TEK: variants seen among roughly 807,000 people sequenced by gnomAD.
The protein encoded by TEK is TEK receptor tyrosine kinase, also known as angiopoietin-1 receptor.
TEK carries 43 observed loss-of-function variants against 131.8 expected under a neutral mutation model. The observed-to-expected ratio is 0.33, with a 90% CI of 0.26 to 0.42. The LOEUF (loss-of-function observed/expected upper bound fraction) is 0.42, where lower values mean the gene tolerates loss of function less well. Among genes scored for constraint, TEK ranks in the 10% least tolerant of loss-of-function variants. The probability of loss-of-function intolerance (pLI) is 1.00; values close to 1 mark genes in which losing one functional copy is unlikely to be tolerated. For synonymous variants in TEK, 580 were observed against 491.6 expected (o/e 1.18, Z -2.38); for missense variants, 1,162 against 1,384.4 (o/e 0.84, Z 2.55).
intron 12 of TEK, chr9:27,198,537 T>C (rs1825107474): frequency 6.6e-6 from 1 of 152,272 alleles, no homozygotes; most frequent in South Asian, 2.1e-4. Context: ...ATTCTTCATA[T>C]ATAATGTTTA....
At chr9:27,197,187 C>G (rs960293626) in intron 11 of TEK, 128 bp from the exon 12 acceptor site, 6 of 973,848 alleles carry the variant, frequency 6.2e-6, no homozygotes, top group African/African-American at 1.6e-5. Flanking sequence ...ACTCATCAAC[C>G]AATCACCTCC....
chr9:27,228,364 G>A (rs1484065215), intron 22 of TEK, 59 bp downstream of exon 22: 2 of 1,366,164 alleles, frequency 1.5e-6, no homozygotes, highest in Non-Finnish European at 2.1e-6. Context: ...GCCCAGGGTG[G>A]TTCATAAAAA....
chr9:27,166,008 G>T (rs1019268449), intron 2 of TEK, among the ~76,000 whole-genome samples: 3 of 152,232 alleles, frequency 2.0e-5, no homozygotes, highest in Admixed American at 2.0e-4. Flanking sequence ...CGCGCACAGC[G>T]CTTGATTAGT....
intron 9 of TEK, among the ~76,000 whole-genome samples, chr9:27,187,138 A>G (rs1200023990): frequency 6.6e-6 from 1 of 152,234 alleles, no homozygotes; most frequent in Non-Finnish European, 1.5e-5. Context: ...GTGAATACAC[A>G]GAAGAGTCAC....
intron 12 of TEK, among the ~76,000 whole-genome samples, chr9:27,198,964 T>G (rs898117180): frequency 2.0e-5 from 3 of 151,830 alleles, no homozygotes; most frequent in Non-Finnish European, 4.4e-5. Flanking sequence ...CACCTGACTT[T>G]TTTTAAAAAT....
chr9:27,220,959 AAGCCAGGG>A (rs1057150400), intron 21 of TEK, among the ~76,000 whole-genome samples: 13 of 152,340 alleles, frequency 8.5e-5, no homozygotes, highest in Admixed American at 2.6e-4. Flanking sequence ...AAGGGGGCTG[AAGCCAGGG>A]AGCCAAGTGG....
intron 2 of TEK, among the ~76,000 whole-genome samples, chr9:27,158,372 G>A (rs565932165): frequency 2.0e-5 from 3 of 151,958 alleles, no homozygotes; most frequent in South Asian, 4.1e-4. Flanking sequence ...TTTGTGAGAT[G>A]AAATATTTCA....
At position 27,169,460 on chromosome 9, in the gene TEK, C is replaced by A; in HGVS notation, c.476-17C>A. The A allele has an allele frequency of 6.2e-7, 1 of 1,613,682 alleles. No homozygotes were observed. The highest frequency in any genetic ancestry group is 1.1e-5 in the South Asian group (1 of 91,064). ...TTTCAGTGTGACCTACGGTTCTTCA[C>A]TCTTCCCTCTTACTAGGTTCCTTCA... On this transcript the variant is annotated splice_polypyrimidine_tract_variant and intron_variant, in intron 3 of 22. Transcript: ENST00000380036.
rs544329832 is a variant in TEK, at chr9:27,187,854, A to G, written c.1327+2225A>G. On this transcript the variant is annotated intron_variant, in intron 9 of 22. Coordinates refer to ENST00000380036, the MANE Select transcript of TEK (RefSeq NM_000459.5). ...TTGTGTCCTAATTTAATCCTCTTAC[A>G]AGGACACCAGTCATATTGGATTATG... 2.6e-5 allele frequency among the ~76,000 whole-genome samples: 4 copies of G among 152,206 alleles called. No individual in the cohort carries two copies. The South Asian group carries it at 8.3e-4, about 32-fold the overall frequency.
At chr9:27,125,270 T>C (rs149768272) in intron 1 of TEK, among the ~76,000 whole-genome samples, 66 of 152,326 alleles carry the variant, frequency 4.3e-4, no homozygotes, top group African/African-American at 1.4e-3. Context: ...TGAGTAACTC[T>C]AGAGTATGGA....
chr9:27,126,498 T>G (rs1043078064), intron 1 of TEK, among the ~76,000 whole-genome samples: 6 of 152,218 alleles, frequency 3.9e-5, no homozygotes, highest in Non-Finnish European at 8.8e-5. Flanking sequence ...GGGAAAGTGC[T>G]TTTGAGGTTA....
chr9:27,173,206 T>G lies in TEK; in HGVS notation c.761-16T>G. 6.2e-7 allele frequency: 1 copy of G among 1,613,952 alleles called. No individual in the cohort carries two copies. The highest frequency in any genetic ancestry group is 8.5e-7 in the Non-Finnish European group (1 of 1,179,898). ...GCATATTTGACTCTGAATCATCTTT[T>G]CTTTTCCTCCCAAAGCTTGTGAACT... On this transcript the variant is annotated splice_polypyrimidine_tract_variant and intron_variant, in intron 5 of 22. Transcript: ENST00000380036.
chr9:27,168,421 A>C (rs976259221), intron 2 of TEK, 74 bp from the exon 3 acceptor site: 4 of 1,164,306 alleles, frequency 3.4e-6, no homozygotes, highest in African/African-American at 3.0e-5. Flanking sequence ...TCATTTTCTG[A>C]GTCTCAAAGC....
intron 1 of TEK, among the ~76,000 whole-genome samples, chr9:27,131,822 A>G (rs976746423): frequency 3.9e-5 from 6 of 151,948 alleles, no homozygotes; most frequent in Middle Eastern, 3.2e-3. Context: ...AAAAAGAAAG[A>G]AATTTGATAA....
intron 9 of TEK, among the ~76,000 whole-genome samples, chr9:27,188,620 C>T (rs965316388): frequency 1.3e-5 from 2 of 152,170 alleles, no homozygotes; most frequent in Non-Finnish European, 2.9e-5. Context: ...TTAATATTGG[C>T]ATGATCTGCC....
At chr9:27,184,366 G>C (rs1824516015) in intron 8 of TEK, among the ~76,000 whole-genome samples, 1 of 152,132 alleles carries the variant, frequency 6.6e-6, no homozygotes. Context: ...TGATCCTTAG[G>C]ATATTGATGT....
At chr9:27,117,552 T>G (rs10967723) in intron 1 of TEK, among the ~76,000 whole-genome samples, 2,186 of 152,246 alleles carry the variant, frequency 0.014, 51 homozygotes, top group African/African-American at 0.05. Context: ...TCCCAAAGGC[T>G]GCAGGAGCAG....
chr9:27,219,240 A>G (rs563745069), intron 20 of TEK, among the ~76,000 whole-genome samples: 6 of 152,328 alleles, frequency 3.9e-5, no homozygotes, highest in African/African-American at 1.4e-4. Flanking sequence ...CAGAAAGGTA[A>G]TAACATTTAT....
chr9:27,161,356 G>A (rs1316772221), intron 2 of TEK, among the ~76,000 whole-genome samples: 1 of 152,204 alleles, frequency 6.6e-6, no homozygotes, highest in East Asian at 1.9e-4. Context: ...CATCATCTGT[G>A]AAATGGGTAT....
Sources: gnomAD v4.1 joint callset for allele counts (sites outside exome capture counted in the v4.1 genomes callset) on GRCh38, gnomAD v4.1.1 for gene constraint, MANE v1.5 for transcripts, NCBI Gene and HGNC (gene_info 2026-07-23, HGNC 2026-07-21) for gene names.